The following ZNF521 variants were observed in gnomAD, a reference collection of about 807,000 sequenced individuals.
ZNF521 encodes zinc finger protein 521, also known as LYST-interacting protein 3.
A neutral mutation model predicts 105.5 loss-of-function variants in ZNF521; 14 were observed. The observed-to-expected ratio is 0.13, with a 90% CI of 0.09 to 0.21. The LOEUF (loss-of-function observed/expected upper bound fraction) is 0.21, where lower values mean the gene tolerates loss of function less well. ZNF521 is among the 10% of genes least tolerant of loss of function. ZNF521 has a pLI of 1.00. For synonymous variants in ZNF521, 635 were observed against 606.0 expected (o/e 1.05, Z -0.70); for missense variants, 1,233 against 1,629.7 (o/e 0.76, Z 4.19).
rs749217259 is a variant in ZNF521, at chr18:25,226,741, T to C, written c.1177A>G (p.Met393Val). 1.9e-6 allele frequency: 3 copies of C among 1,614,126 alleles called. No homozygotes were observed. Among genetic ancestry groups the C allele is most frequent in the Non-Finnish European group, 1.7e-6 (2 of 1,180,018 alleles). ...GCTTGTTTACTCGAGGGACCAGTCATGTCAGGGGTTTGTTGAGCGGCCCTC... is the reference window on the plus strand; with the variant it reads ...GCTTGTTTACTCGAGGGACCAGTCACGTCAGGGGTTTGTTGAGCGGCCCTC... ...RKRAAQQTPDMTGPSSKQAKV... is the reference protein window; with the variant it reads ...RKRAAQQTPDVTGPSSKQAKV... Residue 393 changes from methionine (M) to valine (V), a missense_variant, in exon 4 of 8, where the codon ATG becomes GTG. Transcript: ENST00000361524. This position sits in a 1 kb window ranked among gnomAD's most constrained non-coding sequence, Gnocchi z 4.1.
chr18:25,300,420 C>T (rs1308056823), intron 3 of ZNF521, among the ~76,000 whole-genome samples: 3 of 152,126 alleles, frequency 2.0e-5, no homozygotes, highest in Non-Finnish European at 2.9e-5. Context: ...TATACACACT[C>T]GATGACAATA....
Position 25,068,317 on chromosome 18 carries a change from TTAAC to T in ZNF521, c.3907-5580_3907-5577del, listed in dbSNP as rs532885781. Among the ~76,000 whole-genome samples the T allele has an allele frequency of 1.5e-4, 23 of 152,340 alleles. No individual in the cohort carries two copies. The South Asian group carries it at 4.6e-3, about 30-fold the overall frequency. On this transcript the variant is annotated intron_variant, in intron 7 of 7. Coordinates refer to ENST00000361524, the MANE Select transcript of ZNF521 (RefSeq NM_015461.3). Reference sequence around the variant, plus strand: ...AACATCCGTAATCAATCATCACTGATTAACTAATTATATTACCCTTCCTTTTATC... The same window carrying T: ...AACATCCGTAATCAATCATCACTGATTAATTATATTACCCTTCCTTTTATC...
intron 5 of ZNF521, among the ~76,000 whole-genome samples, chr18:25,096,190 T>G (rs1174854365): frequency 6.6e-6 from 1 of 152,172 alleles, no homozygotes; most frequent in African/African-American, 2.4e-5. Context: ...AAATATTTAC[T>G]CCAATATTAA....
chr18:25,255,962 G>A (rs897093326), intron 3 of ZNF521, among the ~76,000 whole-genome samples: 18 of 145,284 alleles, frequency 1.2e-4, no homozygotes, highest in Non-Finnish European at 1.7e-4. Flanking sequence ...TATATATATC[G>A]TATATATATA....
intron 3 of ZNF521, among the ~76,000 whole-genome samples, chr18:25,255,406 C>T (rs1908410420): frequency 6.6e-6 from 1 of 151,980 alleles, no homozygotes; most frequent in African/African-American, 2.4e-5. Flanking sequence ...AAACTGCAAC[C>T]ACCTTTCATA....
Position 25,149,208 on chromosome 18 carries a change from C to T in ZNF521, c.3658+45952G>A, listed in dbSNP as rs569608759. Among the ~76,000 whole-genome samples, 29 of 152,190 alleles carry T rather than the reference C, an allele frequency of 1.9e-4. 1 individual carries two copies. Among genetic ancestry groups the T allele is most frequent in the African/African-American group, 5.3e-4 (22 of 41,538 alleles). ...AAAGACAGGAGGCAGACCCTCCATG[C>T]GGTATGAAGGGGAAGACAGGTGCTA... On this transcript the variant is annotated intron_variant, in intron 5 of 7. Transcript: ENST00000361524.
intron 5 of ZNF521, among the ~76,000 whole-genome samples, chr18:25,162,665 A>G (rs1600106328): frequency 6.6e-6 from 1 of 152,346 alleles, no homozygotes; most frequent in Admixed American, 6.5e-5. Context: ...ATGACTGCCA[A>G]TGATGCTTCA....
chr18:25,315,669 T>C (rs1912566392), intron 3 of ZNF521: 1 of 152,214 alleles, frequency 6.6e-6, no homozygotes. Context: ...ATCATCTTGT[T>C]CTTCTGTATT....
At chr18:25,316,124 A>G (rs1912596512) in intron 3 of ZNF521, among the ~76,000 whole-genome samples, 1 of 152,074 alleles carries the variant, frequency 6.6e-6, no homozygotes, top group Admixed American at 6.5e-5. Context: ...TAACGACTTC[A>G]AGATTAATAG....
Position 25,143,703 on chromosome 18 carries a change from C to T in ZNF521, c.3658+51457G>A, listed in dbSNP as rs576010106. 6.6e-5 allele frequency among the ~76,000 whole-genome samples: 10 copies of T among 152,070 alleles called. No individual in the cohort carries two copies. In the East Asian group the frequency reaches 9.7e-4, roughly 15 times the overall value. ...ATTTAAAAATTTAAAAAAGAAACAA[C>T]GTGTTTTCCCCAATTAGAAGGGCCT... On this transcript the variant is annotated intron_variant, in intron 5 of 7. Transcript: ENST00000361524.
chr18:25,140,448 T>C (rs2034825616), intron 5 of ZNF521, among the ~76,000 whole-genome samples: 1 of 152,232 alleles, frequency 6.6e-6, no homozygotes, highest in Non-Finnish European at 1.5e-5. Context: ...GGGTAAGACA[T>C]GGCAGAGGTT....
chr18:25,161,700 T>C (rs753233764), intron 5 of ZNF521, among the ~76,000 whole-genome samples: 2 of 152,214 alleles, frequency 1.3e-5, no homozygotes, highest in Non-Finnish European at 2.9e-5. Context: ...ACTGATGCGT[T>C]AACTTTTAAA....
rs543483327 is a variant in ZNF521 at position 25,111,901 on chromosome 18, C to T, written c.3659-19820G>A. 8.5e-5 allele frequency among the ~76,000 whole-genome samples: 13 copies of T among 152,304 alleles called. No homozygotes were observed. The East Asian group carries it at 1.4e-3, about 16-fold the overall frequency. ...GGGATTCTTCTCTGGCCCTCCTCGG[C>T]GTGGCGGAGTAATGGAATGCACAAC... On this transcript the variant is annotated intron_variant, in intron 5 of 7. Transcript: ENST00000361524.
intron 5 of ZNF521, among the ~76,000 whole-genome samples, chr18:25,142,053 T>C (rs2034858583): frequency 6.6e-6 from 1 of 152,076 alleles, no homozygotes; most frequent in Non-Finnish European, 1.5e-5. Context: ...CACTAAATGT[T>C]TTTCCTAAAG....
rs560440376 is a variant in ZNF521, at chr18:25,110,267, C to T, written c.3659-18186G>A. Among the ~76,000 whole-genome samples, 37 of 152,286 alleles carry T rather than the reference C, an allele frequency of 2.4e-4. No individual in the cohort carries two copies. In the East Asian group the frequency reaches 6.4e-3, roughly 26 times the overall value. ...GCAATGGCTGTAAGGGCTGAAACAC[C>T]GAGTCCGCTCAGCAGAATGCTATCA... On this transcript the variant is annotated intron_variant, in intron 5 of 7. Coordinates refer to ENST00000361524, the MANE Select transcript of ZNF521 (RefSeq NM_015461.3).
At position 25,226,501 on chromosome 18, in the gene ZNF521, G is replaced by A. The variant is rs779125618; in HGVS notation, c.1417C>T (p.Pro473Ser). The A allele has an allele frequency of 1.2e-6, 2 of 1,614,148 alleles. No homozygotes were observed. The highest frequency in any genetic ancestry group is 3.3e-4 in the Middle Eastern group (2 of 6,062). ...AAGTTACACTGGTAGACAATGGCAG[G>A]CATGGCAGAAACAATCAGACCTGGG... ...QDPGLIVSAM[P>S]AIVYQCNFCS... is the part of the protein sequence containing the mutation. The change falls in exon 4 of 8, where the codon CCT becomes TCT. Residue 473 changes from proline (P) to serine (S), a missense_variant. By Grantham distance (74) the Pro-to-Ser change is moderately conservative (BLOSUM62 -1). This residue lies in a region of ZNF521 where 380 missense variants were observed against 478.0 expected (regional missense o/e 0.80). Coordinates refer to ENST00000361524, the MANE Select transcript of ZNF521 (RefSeq NM_015461.3). This position sits in a 1 kb window ranked among gnomAD's most constrained non-coding sequence, Gnocchi z 4.1.
At position 25,224,636 on chromosome 18, in the gene ZNF521, G is replaced by A. The variant is rs768230229; in HGVS notation, c.3282C>T (p.Ala1094=). Residue 1094 remains alanine, a synonymous_variant, in exon 4 of 8, where the codon GCC becomes GCT. Transcript: ENST00000361524. ...CGCTCTTACTGAGATTCACGCAGCC[G>A]GCACACAGACCATATGGCAGGCCAT... The part of the protein sequence containing the change: ...DINGLPYGLC[A]GCVNLSKSAS... The A allele has an allele frequency of 2.9e-5, 46 of 1,613,962 alleles. No homozygotes were observed. Among genetic ancestry groups the A allele is most frequent in the Middle Eastern group, 1.6e-4 (1 of 6,084 alleles).
intron 2 of ZNF521, among the ~76,000 whole-genome samples, chr18:25,339,276 T>C (rs1454768778): frequency 6.6e-6 from 1 of 152,184 alleles, no homozygotes; most frequent in African/African-American, 2.4e-5. Flanking sequence ...TTCCATATTG[T>C]CTCCCTAGAA....
At chr18:25,115,451 A>C (rs1245212821) in intron 5 of ZNF521, among the ~76,000 whole-genome samples, 1 of 152,202 alleles carries the variant, frequency 6.6e-6, no homozygotes, top group Non-Finnish European at 1.5e-5. Flanking sequence ...CGAATAAAAA[A>C]AAACAGAAAA....
Sources: allele counts gnomAD v4.1 joint callset (sites outside exome capture counted in the v4.1 genomes callset), GRCh38; gene constraint gnomAD v4.1.1; regional missense constraint gnomAD v4.1.1; non-coding constraint Gnocchi (gnomAD v3.1); transcripts MANE v1.5; gene names NCBI Gene and HGNC (gene_info 2026-07-23, HGNC 2026-07-21).